Variants in ACTR3B observed in about 807,000 individuals in gnomAD.
ACTR3B encodes actin-related protein 3B.
In ACTR3B, 8 loss-of-function variants were observed where a neutral mutation model predicts 59.0. That is an observed-to-expected ratio of 0.14 (90% CI 0.08 to 0.24). The LOEUF (loss-of-function observed/expected upper bound fraction) is 0.24. Ranked by LOEUF, ACTR3B falls within the 10% of genes least tolerant of loss-of-function variation. The probability of loss-of-function intolerance (pLI) is 1.00; values close to 1 mark genes in which losing one functional copy is unlikely to be tolerated. For missense variants in ACTR3B, 245 were observed against 552.3 expected (o/e 0.44, Z 5.58); for synonymous variants, 148 against 197.9 (o/e 0.75, Z 2.12).
At chr7:152,797,636 A>G (rs578174914) in intron 2 of ACTR3B, among the ~76,000 whole-genome samples, 11 of 152,186 alleles carry the variant, frequency 7.2e-5, no homozygotes, top group Middle Eastern at 3.4e-3. Context: ...TATTTCTCCT[A>G]TCTAACTGTA....
chr7:152,801,064 G>A (rs1282816191), intron 3 of ACTR3B, among the ~76,000 whole-genome samples: 6 of 152,352 alleles, frequency 3.9e-5, no homozygotes, highest in South Asian at 4.1e-4. Context: ...GTTTTCTATC[G>A]GTTCCTCATT....
chr7:152,852,736 TG>T (rs1348658476), intron 10 of ACTR3B, among the ~76,000 whole-genome samples: 6 of 152,280 alleles, frequency 3.9e-5, no homozygotes, highest in African/African-American at 1.4e-4. Context: ...ATAGGGGCAG[TG>T]GGCGCAAGGA....
Position 152,769,674 on chromosome 7 carries a change from A to G in ACTR3B, c.44+9748A>G, listed in dbSNP as rs1173546201. Among the ~76,000 whole-genome samples the G allele has an allele frequency of 4.6e-5, 7 of 152,096 alleles. No homozygotes were observed. The East Asian group carries it at 1.3e-3, about 29-fold the overall frequency. The stretch of plus-strand genomic sequence containing the variant: ...TATATGTATTTAAACATCTTTTGCC[A>G]TGTAGTCCATTTTATTTTATTAATA... On this transcript the variant is annotated intron_variant, in intron 1 of 11. Coordinates refer to ENST00000256001, the MANE Select transcript of ACTR3B (RefSeq NM_020445.6).
At chr7:152,842,852 A>G (rs151219761) in intron 9 of ACTR3B, among the ~76,000 whole-genome samples, 32 of 152,240 alleles carry the variant, frequency 2.1e-4, no homozygotes, top group African/African-American at 7.2e-4. Flanking sequence ...TACAGCATCT[A>G]CCCTCCCACC....
chr7:152,831,227 C>T (rs1005167323), intron 9 of ACTR3B, among the ~76,000 whole-genome samples: 3 of 152,274 alleles, frequency 2.0e-5, no homozygotes, highest in African/African-American at 7.2e-5. Flanking sequence ...AACATTAAGA[C>T]ACCTGTTGCC....
chr7:152,800,718 G>A (rs1310716805), intron 3 of ACTR3B, 63 bp downstream of exon 3: 8 of 1,553,948 alleles, frequency 5.1e-6, no homozygotes, highest in Non-Finnish European at 7.0e-6. Context: ...AATGCAAAAT[G>A]GTCATCTAGA....
chr7:152,793,081 G>A (rs1008780423), intron 2 of ACTR3B, among the ~76,000 whole-genome samples: 14 of 133,182 alleles, frequency 1.1e-4, no homozygotes, highest in African/African-American at 3.9e-4. Flanking sequence ...AATGTGTTTT[G>A]GAATGGATTT....
intron 4 of ACTR3B, among the ~76,000 whole-genome samples, chr7:152,807,956 A>G (rs1313605467): frequency 1.3e-5 from 2 of 152,160 alleles, no homozygotes; most frequent in Admixed American, 1.3e-4. Context: ...ACATTCACAA[A>G]CCATTGCCAC....
chr7:152,799,506 A>C (rs934889749), intron 2 of ACTR3B, among the ~76,000 whole-genome samples: 2 of 152,166 alleles, frequency 1.3e-5, no homozygotes, highest in African/African-American at 2.4e-5. Flanking sequence ...ATAAATGTAA[A>C]CTTTAATTAT....
chr7:152,819,452 C>T (rs957303163), intron 6 of ACTR3B, among the ~76,000 whole-genome samples: 2 of 152,252 alleles, frequency 1.3e-5, no homozygotes, highest in African/African-American at 4.8e-5. Context: ...CGGTCAGCAT[C>T]CTGCTCATCC....
At chr7:152,785,945 G>A (rs1158838910) in intron 2 of ACTR3B, among the ~76,000 whole-genome samples, 12 of 5,070 alleles carry the variant, frequency 2.4e-3, no homozygotes, top group African/African-American at 6.8e-3. Flanking sequence ...GAATCCTCAA[G>A]CCCCGTCCCT....
chr7:152,853,624 G>T, intron 11 of ACTR3B, 47 bp downstream of exon 11: 1 of 1,542,930 alleles, frequency 6.5e-7, no homozygotes, highest in South Asian at 1.2e-5. Context: ...CTGTGCTCTC[G>T]GTTGAGTTTG....
At chr7:152,782,094 G>C (rs2098155909) in intron 1 of ACTR3B, among the ~76,000 whole-genome samples, 1 of 151,828 alleles carries the variant, frequency 6.6e-6, no homozygotes, top group Non-Finnish European at 1.5e-5. Flanking sequence ...AGTAAAATTA[G>C]CATATGGTAA....
chr7:152,850,455 A>G (rs1190934128), intron 9 of ACTR3B, among the ~76,000 whole-genome samples: 1 of 152,150 alleles, frequency 6.6e-6, no homozygotes, highest in African/African-American at 2.4e-5. Context: ...CTCCAGGTAG[A>G]AGGCCAGATC....
intron 2 of ACTR3B, among the ~76,000 whole-genome samples, chr7:152,797,899 T>G (rs1374021604): frequency 3.9e-5 from 6 of 152,240 alleles, no homozygotes; most frequent in Non-Finnish European, 2.9e-5. Context: ...AGTATTCCAC[T>G]GTTTATAAAG....
At chr7:152,839,274 C>T (rs1326741621) in intron 9 of ACTR3B, among the ~76,000 whole-genome samples, 5 of 142,492 alleles carry the variant, frequency 3.5e-5, no homozygotes, top group Admixed American at 6.7e-5. Context: ...CGGGGGGTGG[C>T]GCCCATGTGT....
intron 2 of ACTR3B, among the ~76,000 whole-genome samples, chr7:152,791,208 A>AT (rs1405152094): frequency 6.6e-6 from 1 of 151,782 alleles, no homozygotes. Flanking sequence ...ACAGGGTTTC[A>AT]TTGTGTTGCC....
intron 4 of ACTR3B, among the ~76,000 whole-genome samples, chr7:152,803,217 A>T (rs145343592): frequency 0.029 from 4,478 of 152,110 alleles, 95 homozygotes; most frequent in Middle Eastern, 0.099. Flanking sequence ...GCTAATTTTT[A>T]AAAATTTTTT....
intron 2 of ACTR3B, among the ~76,000 whole-genome samples, chr7:152,785,400 A>G (rs1485097860): frequency 2.1e-3 from 5 of 2,358 alleles, no homozygotes; most frequent in South Asian, 0.028. Context: ...GGGGAGGGGG[A>G]GGGGGAGAGG....
Sources: gnomAD v4.1 joint callset for allele counts (sites outside exome capture counted in the v4.1 genomes callset) on GRCh38, gnomAD v4.1.1 for gene constraint, MANE v1.5 for transcripts, NCBI Gene and HGNC (gene_info 2026-07-23, HGNC 2026-07-21) for gene names.